CRACR2A: variants seen among roughly 807,000 people sequenced by gnomAD.
CRACR2A encodes calcium release activated channel regulator 2A, also known as EF-hand calcium-binding domain-containing protein 4B.
A neutral mutation model predicts 90.5 loss-of-function variants in CRACR2A; 79 were observed. The ratio of observed to expected loss-of-function variants is 0.87; its 90% CI spans 0.73 to 1.05. The LOEUF (loss-of-function observed/expected upper bound fraction) is 1.05, where lower values mean the gene tolerates loss of function less well. CRACR2A is among the 50% of genes least tolerant of loss of function. The probability of loss-of-function intolerance (pLI) is 0.00; values close to 1 mark genes in which losing one functional copy is unlikely to be tolerated. For missense variants in CRACR2A, 823 were observed against 897.2 expected, an observed-to-expected ratio of 0.92 and a Z score of 1.06; for synonymous variants, 338 against 356.7, an observed-to-expected ratio of 0.95 and a Z score of 0.59.
At chr12:3,634,321 G>A (rs151190983) in intron 14 of CRACR2A, among the ~76,000 whole-genome samples, 2 of 152,244 alleles carry the variant, frequency 1.3e-5, no homozygotes, top group Non-Finnish European at 2.9e-5. Context: ...CCATCTTATC[G>A]GTTCCCATCG....
intron 17 of CRACR2A, among the ~76,000 whole-genome samples, chr12:3,623,805 G>C (rs945240948): frequency 1.3e-5 from 2 of 152,170 alleles, no homozygotes; most frequent in Admixed American, 1.3e-4. Context: ...AGCAGAACAA[G>C]GGCAAGGCCA....
At chr12:3,695,959 A>G (rs1945732101) in intron 4 of CRACR2A, among the ~76,000 whole-genome samples, 1 of 152,248 alleles carries the variant, frequency 6.6e-6, no homozygotes, top group Non-Finnish European at 1.5e-5. Flanking sequence ...GCAATCCCCT[A>G]TTTTGGTGTG....
chr12:3,631,057 A>G (rs1944367587), intron 15 of CRACR2A, among the ~76,000 whole-genome samples: 1 of 152,154 alleles, frequency 6.6e-6, no homozygotes, highest in Non-Finnish European at 1.5e-5. Context: ...TGTGGCTGTT[A>G]TATCTCTTTA....
chr12:3,678,864 G>A, intron 6 of CRACR2A, 51 bp downstream of exon 6: 2 of 1,536,292 alleles, frequency 1.3e-6, no homozygotes, highest in Non-Finnish European at 1.8e-6. Flanking sequence ...GACACAGGAA[G>A]AGGTTCCTAC....
intron 4 of CRACR2A, among the ~76,000 whole-genome samples, chr12:3,695,050 T>C (rs1027171644): frequency 6.6e-6 from 1 of 152,228 alleles, no homozygotes; most frequent in Non-Finnish European, 1.5e-5. Context: ...CAATTCTCCA[T>C]GCCTCCTCAT....
intron 15 of CRACR2A, among the ~76,000 whole-genome samples, chr12:3,629,855 G>A (rs999438935): frequency 9.3e-5 from 14 of 151,118 alleles, no homozygotes; most frequent in Middle Eastern, 3.4e-3. Context: ...ACAAGGGGGG[G>A]GGGGGATGAA....
rs58293233 is a variant in CRACR2A at position 3,660,829 on chromosome 12, A to AACACACAC, written c.672-1183_672-1176dup. On this transcript the variant is annotated intron_variant, in intron 7 of 19. Transcript: ENST00000440314. ...CTATCAAGGCCTGTTCTGAACATGCAACACACACACACACACACACACACA... is the reference window on the plus strand; with the variant it reads ...CTATCAAGGCCTGTTCTGAACATGCAACACACACACACACACACACACACACACACACA... 4.8e-4 allele frequency among the ~76,000 whole-genome samples: 58 copies of AACACACAC among 119,710 alleles called. 1 individual carries two copies. Among genetic ancestry groups the AACACACAC allele is most frequent in the Middle Eastern group, 8.1e-3 (2 of 246 alleles). The allele number at this position is 119,710 out of a possible 152,430, so 78.5% of individuals were successfully genotyped here.
rs904933845 is a variant in CRACR2A at position 3,673,388 on chromosome 12, C to T, written c.671+58G>A. The T allele has an allele frequency of 1.7e-5, 27 of 1,558,440 alleles. 1 individual carries two copies. The highest frequency in any genetic ancestry group is 1.5e-4 in the African/African-American group (11 of 72,828). On this transcript the variant is annotated intron_variant, in intron 7 of 19. Transcript: ENST00000440314. ...GCAGAAGATCTAAGAGAAAGTGCAC[C>T]GTGTGTCTCTCTTTTTCACACATAG...
At chr12:3,653,136 T>C (rs561804291) in intron 10 of CRACR2A, among the ~76,000 whole-genome samples, 170 of 152,232 alleles carry the variant, frequency 1.1e-3, no homozygotes, top group Non-Finnish European at 2.0e-3. Context: ...GCGTGCGCCA[T>C]CATGCCTGGC....
chr12:3,632,520 A>C (rs1944393001), intron 15 of CRACR2A, among the ~76,000 whole-genome samples: 1 of 152,132 alleles, frequency 6.6e-6, no homozygotes, highest in African/African-American at 2.4e-5. Context: ...TGTCTGCACC[A>C]ACCTCTGCCC....
At chr12:3,710,076 C>T (rs1353923583) in intron 3 of CRACR2A, among the ~76,000 whole-genome samples, 1 of 152,204 alleles carries the variant, frequency 6.6e-6, no homozygotes, top group Non-Finnish European at 1.5e-5. Context: ...CTAGGAAGAC[C>T]TGTCTAAAAT....
intron 4 of CRACR2A, among the ~76,000 whole-genome samples, chr12:3,684,786 C>T (rs1007001500): frequency 6.6e-6 from 1 of 152,226 alleles, no homozygotes; most frequent in Non-Finnish European, 1.5e-5. Flanking sequence ...GGCATGCTTG[C>T]GCTTGTGCCC....
intron 12 of CRACR2A, among the ~76,000 whole-genome samples, chr12:3,644,303 G>A (rs1017214087): frequency 4.6e-5 from 7 of 151,938 alleles, no homozygotes; most frequent in African/African-American, 1.5e-4. Context: ...TTTCAACTGC[G>A]CCATCTCATG....
At chr12:3,688,565 A>G (rs951578887) in intron 4 of CRACR2A, among the ~76,000 whole-genome samples, 1 of 152,168 alleles carries the variant, frequency 6.6e-6, no homozygotes, top group Admixed American at 6.5e-5. Context: ...TTTTTGTGTC[A>G]GTACCATGCT....
In CRACR2A at chr12:3,673,512, GTCAGGAAGTCTT is replaced by G; in HGVS notation, c.593_604del (p.Glu198_Thr202delinsAla). 6.2e-7 allele frequency: 1 copy of G among 1,614,174 alleles called. No individual in the cohort carries two copies. The highest frequency in any genetic ancestry group is 8.5e-7 in the Non-Finnish European group (1 of 1,180,036). Reference sequence around the variant, plus strand: ...TTCTTGGAGCTGGGAGATGATTCTGGTCAGGAAGTCTTCAAAGTTGGACAGTAAATGAGGTTC... The same window carrying G: ...TTCTTGGAGCTGGGAGATGATTCTGGCAAAGTTGGACAGTAAATGAGGTTC... On this transcript the variant is annotated inframe_deletion, in exon 7 of 20. Coordinates refer to ENST00000440314, the MANE Select transcript of CRACR2A (RefSeq NM_001144958.2).
At chr12:3,696,427 A>G (rs1180901351) in intron 4 of CRACR2A, among the ~76,000 whole-genome samples, 1 of 152,178 alleles carries the variant, frequency 6.6e-6, no homozygotes, top group Non-Finnish European at 1.5e-5. Flanking sequence ...AGCAGGAACG[A>G]CTTTGTTATA....
At chr12:3,677,654 T>G (rs1945359972) in intron 6 of CRACR2A, among the ~76,000 whole-genome samples, 1 of 152,226 alleles carries the variant, frequency 6.6e-6, no homozygotes, top group African/African-American at 2.4e-5. Flanking sequence ...CCTGTTGTCC[T>G]TGGAGAAGCT....
chr12:3,686,472 AG>A (rs1945555001), intron 4 of CRACR2A, among the ~76,000 whole-genome samples: 1 of 152,194 alleles, frequency 6.6e-6, no homozygotes, highest in African/African-American at 2.4e-5. Context: ...TTGGGGAGGC[AG>A]GTGCTTGGTG....
intron 14 of CRACR2A, among the ~76,000 whole-genome samples, chr12:3,634,681 A>G (rs1165206209): frequency 6.6e-6 from 1 of 152,200 alleles, no homozygotes; most frequent in African/African-American, 2.4e-5. Context: ...TCTATTTAAA[A>G]GTGAATTTGG....
Sources: gnomAD v4.1 joint callset for allele counts (sites outside exome capture counted in the v4.1 genomes callset) on GRCh38, gnomAD v4.1.1 for gene constraint, MANE v1.5 for transcripts, NCBI Gene and HGNC (gene_info 2026-07-23, HGNC 2026-07-21) for gene names.